MAML3: variants seen among roughly 807,000 people sequenced by gnomAD.
The protein encoded by MAML3 is mastermind-like protein 3.
MAML3 carries 27 observed loss-of-function variants against 101.9 expected under a neutral mutation model. The observed-to-expected ratio is 0.27, with a 90% confidence interval of 0.20 to 0.37. The LOEUF (loss-of-function observed/expected upper bound fraction) is 0.37. Ranked by LOEUF, MAML3 falls within the 10% of genes least tolerant of loss-of-function variation. The pLI is 1.00. For synonymous variants in MAML3, 501 were observed against 555.9 expected, an observed-to-expected ratio of 0.90 and a Z score of 1.39; for missense variants, 1,316 against 1,444.9, an observed-to-expected ratio of 0.91 and a Z score of 1.45.
intron 2 of MAML3, among the ~76,000 whole-genome samples, chr4:139,819,595 T>C (rs930857720): frequency 7.9e-5 from 12 of 152,204 alleles, no homozygotes; most frequent in African/African-American, 2.9e-4. Flanking sequence ...GGTATTTTTT[T>C]CCAATTGGAC....
chr4:139,736,613 CCAGTATGGG>C (rs1305663453), intron 2 of MAML3, among the ~76,000 whole-genome samples: 2 of 152,268 alleles, frequency 1.3e-5, no homozygotes, highest in Non-Finnish European at 2.9e-5. Context: ...CTCCCCATTC[CCAGTATGGG>C]CAATTTGGGA....
At position 139,890,934 on chromosome 4, in the gene MAML3, C is replaced by T. The variant is rs1395016487; in HGVS notation, c.502G>A (p.Ala168Thr). 6.2e-7 allele frequency: 1 copy of T among 1,612,988 alleles called. No homozygotes were observed. The highest frequency in any genetic ancestry group is 2.2e-5 in the East Asian group (1 of 44,886). ...QETVKRKLEG[A>T]RSPLNGDQQN... ...TGGTCTCCATTAAGTGGTGATCGAG[C>T]TCCTTCCAACTTCCTTTTCACAGTC... The change falls in exon 2 of 5, where the codon GCT becomes ACT. Residue 168 changes from alanine (A) to threonine (T), a missense_variant. Physicochemically the swap from Ala to Thr is moderately conservative, Grantham distance 58. Transcript: ENST00000509479. The surrounding 1 kb of genome is among the most constrained non-coding windows in gnomAD (Gnocchi z 4.1).
chr4:139,908,607 T>C (rs1454651906), intron 1 of MAML3, among the ~76,000 whole-genome samples: 1 of 152,248 alleles, frequency 6.6e-6, no homozygotes, highest in Non-Finnish European at 1.5e-5. Flanking sequence ...TACTAACAGC[T>C]CACTAGTCTA....
chr4:140,127,131 G>A (rs1229611232), intron 1 of MAML3, among the ~76,000 whole-genome samples: 2 of 152,144 alleles, frequency 1.3e-5, no homozygotes, highest in African/African-American at 2.4e-5. Context: ...GGCAGATAAG[G>A]CCCTCCACGT....
At chr4:140,030,346 G>T (rs546223233) in intron 1 of MAML3, among the ~76,000 whole-genome samples, 6 of 152,318 alleles carry the variant, frequency 3.9e-5, no homozygotes, top group Non-Finnish European at 7.3e-5. Flanking sequence ...ACACACACTA[G>T]CTTTGGCAGG....
At chr4:140,112,500 T>C (rs1728453831) in intron 1 of MAML3, among the ~76,000 whole-genome samples, 1 of 152,258 alleles carries the variant, frequency 6.6e-6, no homozygotes. Flanking sequence ...GCTTTTTCCA[T>C]GTGCTCACTT....
chr4:139,946,348 G>A (rs183706159), intron 1 of MAML3, among the ~76,000 whole-genome samples: 3 of 152,118 alleles, frequency 2.0e-5, no homozygotes, highest in African/African-American at 4.8e-5. Flanking sequence ...ATGTGGGCTT[G>A]AGCAAATTTT....
chr4:140,046,244 G>A (rs1463550197), intron 1 of MAML3, among the ~76,000 whole-genome samples: 1 of 152,166 alleles, frequency 6.6e-6, no homozygotes, highest in African/African-American at 2.4e-5. Context: ...TAGACCCTCT[G>A]GAGCTCTTTC....
intron 2 of MAML3, among the ~76,000 whole-genome samples, chr4:139,813,491 A>T (rs1174072435): frequency 6.6e-6 from 1 of 152,224 alleles, no homozygotes; most frequent in Non-Finnish European, 1.5e-5. Context: ...AAGCAAGAAG[A>T]AAATGCATGA....
At chr4:139,899,108 G>A (rs1468441566) in intron 1 of MAML3, among the ~76,000 whole-genome samples, 3 of 152,168 alleles carry the variant, frequency 2.0e-5, no homozygotes, top group South Asian at 2.1e-4. Flanking sequence ...TGATTCTTCC[G>A]GGGCTGTTGG....
intron 2 of MAML3, among the ~76,000 whole-genome samples, chr4:139,883,149 T>C (rs554570995): frequency 7.9e-4 from 120 of 151,674 alleles, no homozygotes; most frequent in Non-Finnish European, 1.6e-3. Context: ...CCAAGAAAAC[T>C]GCAGGACAGA....
At chr4:139,784,966 G>A (rs1730280457) in intron 2 of MAML3, among the ~76,000 whole-genome samples, 1 of 152,124 alleles carries the variant, frequency 6.6e-6, no homozygotes, top group South Asian at 2.1e-4. Flanking sequence ...GTAGATGATG[G>A]GAAATCTCTG....
rs114533303 is a variant in MAML3, at chr4:140,147,268, A to T, written c.468+5592T>A. 8.7e-3 allele frequency among the ~76,000 whole-genome samples: 1,332 copies of T among 152,272 alleles called. 19 individuals are homozygous for T. Among genetic ancestry groups the T allele is most frequent in the African/African-American group, 0.029 (1,192 of 41,532 alleles). ...TTTAGTATCTTAACTTCCATGAAACACTATGGACAATGTACCAATGCTGCT... is the reference window on the plus strand; with the variant it reads ...TTTAGTATCTTAACTTCCATGAAACTCTATGGACAATGTACCAATGCTGCT... On this transcript the variant is annotated intron_variant, in intron 1 of 4. Coordinates refer to ENST00000509479, the MANE Select transcript of MAML3 (RefSeq NM_018717.5).
At chr4:139,868,319 T>C (rs1333823800) in intron 2 of MAML3, among the ~76,000 whole-genome samples, 1 of 152,228 alleles carries the variant, frequency 6.6e-6, no homozygotes, top group East Asian at 1.9e-4. Flanking sequence ...ATTGGATATA[T>C]ATGGAAGTTT....
chr4:139,736,705 A>T (rs1289904898), intron 2 of MAML3, among the ~76,000 whole-genome samples: 1 of 152,190 alleles, frequency 6.6e-6, no homozygotes, highest in Non-Finnish European at 1.5e-5. Context: ...CCCACCTGGG[A>T]GCTTGTTAGA....
chr4:140,153,117 T>G lies in MAML3; in HGVS notation c.211A>C (p.Ser71Arg), dbSNP rs773465625. ...GGGSAAVPKHSTVVERLRQRI... is the reference protein window; with the variant it reads ...GGGSAAVPKHRTVVERLRQRI... ...TGGCGGAGCCGCTCCACCACGGTGCTGTGCTTGGGAACGGCCGCCGAACCG... is the reference window on the plus strand; with the variant it reads ...TGGCGGAGCCGCTCCACCACGGTGCGGTGCTTGGGAACGGCCGCCGAACCG... Residue 71 changes from serine to arginine, a missense_variant, in exon 1 of 5, where the codon AGC (serine) becomes CGC (arginine). By Grantham distance (110) the Ser-to-Arg change is moderately radical. Coordinates refer to ENST00000509479, the MANE Select transcript of MAML3 (RefSeq NM_018717.5). The G allele has an allele frequency of 6.4e-7, 1 of 1,551,218 alleles. No individual in the cohort carries two copies. Among genetic ancestry groups the G allele is most frequent in the South Asian group, 1.2e-5 (1 of 84,212 alleles).
intron 1 of MAML3, among the ~76,000 whole-genome samples, chr4:140,000,987 C>T (rs762573952): frequency 6.6e-6 from 1 of 152,008 alleles, no homozygotes; most frequent in Non-Finnish European, 1.5e-5. Flanking sequence ...GAGATCATGT[C>T]ATTGCACTCC....
intron 1 of MAML3, among the ~76,000 whole-genome samples, chr4:140,069,868 C>A (rs924159551): frequency 2.0e-5 from 3 of 151,736 alleles, no homozygotes; most frequent in Non-Finnish European, 4.4e-5. Flanking sequence ...GTAATCCCAG[C>A]GCTTTGGGAG....
chr4:139,994,021 G>A (rs1228363984), intron 1 of MAML3, among the ~76,000 whole-genome samples: 1 of 152,080 alleles, frequency 6.6e-6, no homozygotes, highest in Non-Finnish European at 1.5e-5. Flanking sequence ...TAATTTTTGT[G>A]TTTCATGTGA....
Sources: gnomAD v4.1 joint callset for allele counts (sites outside exome capture counted in the v4.1 genomes callset) on GRCh38, gnomAD v4.1.1 for gene constraint, Gnocchi (gnomAD v3.1) non-coding constraint, MANE v1.5 for transcripts, NCBI Gene and HGNC (gene_info 2026-07-23, HGNC 2026-07-21) for gene names.